Variants in CMAS observed in about 807,000 individuals in gnomAD.
CMAS encodes the protein cytidine monophosphate N-acetylneuraminic acid synthetase, also known as N-acylneuraminate cytidylyltransferase.
A neutral mutation model predicts 53.4 loss-of-function variants in CMAS; 21 were observed. The ratio of observed to expected loss-of-function variants is 0.39; its 90% CI spans 0.28 to 0.57. The LOEUF (loss-of-function observed/expected upper bound fraction) is 0.57. CMAS is among the 20% of genes least tolerant of loss of function. CMAS has a pLI of 0.56. For missense variants in CMAS, 384 were observed against 534.9 expected, an observed-to-expected ratio of 0.72 and a Z score of 2.78; for synonymous variants, 189 against 195.2, an observed-to-expected ratio of 0.97 and a Z score of 0.27.
At chr12:22,048,036 A>G (rs1285372185) in intron 1 of CMAS, among the ~76,000 whole-genome samples, 1 of 152,216 alleles carries the variant, frequency 6.6e-6, no homozygotes, top group African/African-American at 2.4e-5. Flanking sequence ...CTGGCATAAC[A>G]AAAGAGGGAA....
intron 4 of CMAS, 84 bp from the exon 5 acceptor site, chr12:22,060,743 ATGAAT>A: frequency 1.3e-6 from 1 of 753,724 alleles, no homozygotes; most frequent in Non-Finnish European, 2.4e-6. Context: ...TACTGTAGAA[ATGAAT>A]TCATTGTTCT....
chr12:22,055,562 T>G lies in CMAS; in HGVS notation c.511T>G (p.Ser171Ala), dbSNP rs1431488463. 1 of 1,612,586 alleles carries G rather than the reference T, an allele frequency of 6.2e-7. No homozygotes were observed. The highest frequency in any genetic ancestry group is 8.5e-7 in the Non-Finnish European group (1 of 1,179,696). Reference protein sequence around the residue: ...IREEGYDSVFSVVRRHQFRWS... With the variant: ...IREEGYDSVFAVVRRHQFRWS... The stretch of plus-strand genomic sequence containing the variant: ...AGAAGAAGGATATGATTCTGTTTTC[T>G]CTGTTGTGAGACGCCATCAGTTTCG... The change falls in exon 3 of 8, where the codon TCT becomes GCT. Residue 171 changes from serine (S) to alanine (A), a missense_variant. This residue lies in a region of CMAS where 139 missense variants were observed against 248.0 expected (regional missense o/e 0.56). Coordinates refer to ENST00000229329, the MANE Select transcript of CMAS (RefSeq NM_018686.6).
At chr12:22,064,212 A>C (rs920045578) in intron 7 of CMAS, among the ~76,000 whole-genome samples, 1 of 152,182 alleles carries the variant, frequency 6.6e-6, no homozygotes, top group Non-Finnish European at 1.5e-5. Context: ...GGTCTAAAGT[A>C]TAGTAATAGT....
Position 22,062,357 on chromosome 12 carries a change from G to C in CMAS, c.1037G>C (p.Ser346Thr). The C allele has an allele frequency of 6.2e-7, 1 of 1,613,052 alleles. No individual in the cohort carries two copies. The highest frequency in any genetic ancestry group is 8.5e-7 in the Non-Finnish European group (1 of 1,179,706). ...AAACTGGATTGCAAAATGGAAGTCA[G>C]TGTATCAGACAAGCTAGCAGTTGTA... ...SLKLDCKMEVSVSDKLAVVDE... is the reference protein window; with the variant it reads ...SLKLDCKMEVTVSDKLAVVDE... Residue 346 changes from serine (S) to threonine (T), a missense_variant, in exon 7 of 8, where the codon AGT (serine) becomes ACT (threonine). Ser to Thr is a moderately conservative substitution (Grantham distance 58, BLOSUM62 1). Coordinates refer to ENST00000229329, the MANE Select transcript of CMAS (RefSeq NM_018686.6).
At chr12:22,055,697 A>G (rs534806772) in intron 3 of CMAS, 87 bp downstream of exon 3, 1 of 1,091,644 alleles carries the variant, frequency 9.2e-7, no homozygotes, top group Admixed American at 2.2e-5. Context: ...TGAGGAGAGT[A>G]AAAGGGGAGC....
Position 22,054,522 on chromosome 12 carries a change from G to A in CMAS, c.261-627G>A, listed in dbSNP as rs144803620. Among the ~76,000 whole-genome samples, 11 of 151,762 alleles carry A rather than the reference G, an allele frequency of 7.2e-5. No individual in the cohort carries two copies. In the East Asian group the frequency reaches 1.9e-3, roughly 27 times the overall value. On this transcript the variant is annotated intron_variant, in intron 1 of 7. Transcript: ENST00000229329. ...TTGTTTGTTGTTTAAAAAAGAAAGA[G>A]TTGTTTCATCTGATTTTTTTTGAGC...
intron 3 of CMAS, among the ~76,000 whole-genome samples, chr12:22,057,913 C>T (rs964923011): frequency 3.3e-5 from 5 of 150,454 alleles, no homozygotes; most frequent in Admixed American, 1.3e-4. Context: ...CTGCAATCTC[C>T]CCCCCCCGGG....
intron 1 of CMAS, among the ~76,000 whole-genome samples, chr12:22,048,254 G>A (rs1231824404): frequency 6.6e-6 from 1 of 152,194 alleles, no homozygotes; most frequent in Admixed American, 6.5e-5. Context: ...GTTGTATCAC[G>A]TTATGATAAA....
intron 4 of CMAS, 23 bp downstream of exon 4, chr12:22,058,723 AC>A (rs762664028): frequency 6.2e-7 from 1 of 1,608,518 alleles, no homozygotes; most frequent in African/African-American, 1.3e-5. Flanking sequence ...ATTTTGCATA[AC>A]CCTTTTAAGC....
chr12:22,063,734 A>AAAC (rs1555141667), intron 7 of CMAS: 22 of 151,090 alleles, frequency 1.5e-4, no homozygotes, highest in African/African-American at 5.4e-4. Flanking sequence ...TTAAAAAAAA[A>AAAC]ACACACACAC....
intron 4 of CMAS, among the ~76,000 whole-genome samples, chr12:22,060,284 T>C (rs1328202976): frequency 7.5e-6 from 1 of 133,400 alleles, no homozygotes; most frequent in South Asian, 2.4e-4. Context: ...ACTGTTTAGA[T>C]AGAATTTGAA....
rs774836191 is a variant in CMAS, at chr12:22,062,427, A to G, written c.1107A>G (p.Ala369=). 5 of 1,612,624 alleles carry G rather than the reference A, an allele frequency of 3.1e-6. No individual in the cohort carries two copies. The South Asian group carries it at 4.4e-5, about 14-fold the overall frequency. Residue 369 remains alanine, a synonymous_variant, in exon 7 of 8, where the codon GCA becomes GCG. Coordinates refer to ENST00000229329, the MANE Select transcript of CMAS (RefSeq NM_018686.6). ...TGGGCCTGTGCTGGAAAGAAGTGGC[A>G]TATCTTGGTTGGTATCTTTTTATTC... is the stretch of plus-strand genomic sequence containing the variant. ...KEMGLCWKEV[A]YLGNEVSDEE...
At chr12:22,062,749 G>T (rs76803975) in intron 7 of CMAS, among the ~76,000 whole-genome samples, 1 of 152,092 alleles carries the variant, frequency 6.6e-6, no homozygotes, top group South Asian at 2.1e-4. Flanking sequence ...ACCTATTACC[G>T]TAGGGCTCTG....
At chr12:22,064,338 T>C (rs1197882779) in intron 7 of CMAS, among the ~76,000 whole-genome samples, 5 of 152,136 alleles carry the variant, frequency 3.3e-5, no homozygotes, top group African/African-American at 1.2e-4. Context: ...TGATTTAGTA[T>C]CTATTTTTAT....
At position 22,060,333 on chromosome 12, in the gene CMAS, T is replaced by TAA. The variant is rs58755366; in HGVS notation, c.694-473_694-472dup. Among the ~76,000 whole-genome samples the TAA allele has an allele frequency of 1.7e-4, 9 of 54,136 alleles. 1 individual carries two copies. The highest frequency in any genetic ancestry group is 4.3e-4 in the African/African-American group (7 of 16,198). The allele number at this position is 54,136 out of a possible 152,430, so 35.5% of individuals were successfully genotyped here. ...ATTTCTTTTGTGTGAGCTTTCTCCT[T>TAA]AAAAAAAAAAAAAAAAAAAAAAAAA... On this transcript the variant is annotated intron_variant, in intron 4 of 7. Transcript: ENST00000229329.
chr12:22,049,115 G>A (rs1950224236), intron 1 of CMAS, among the ~76,000 whole-genome samples: 1 of 152,162 alleles, frequency 6.6e-6, no homozygotes, highest in African/African-American at 2.4e-5. Flanking sequence ...AAGTCAGAAG[G>A]AGTGCTCTCC....
chr12:22,059,705 T>C (rs1950295327), intron 4 of CMAS, among the ~76,000 whole-genome samples: 1 of 152,178 alleles, frequency 6.6e-6, no homozygotes, highest in South Asian at 2.1e-4. Flanking sequence ...AATTTAAGTG[T>C]TCAGAAAAAT....
chr12:22,062,514 C>T, intron 7 of CMAS, 80 bp downstream of exon 7: 1 of 1,399,598 alleles, frequency 7.1e-7, no homozygotes, highest in Middle Eastern at 1.8e-4. Context: ...TGACAAAGCA[C>T]ATCCTCCAAA....
chr12:22,046,396 T>C lies in CMAS; in HGVS notation c.93T>C (p.Ser31=), dbSNP rs746134195. 1.3e-6 allele frequency: 2 copies of C among 1,585,026 alleles called. No homozygotes were observed. Among genetic ancestry groups the C allele is most frequent in the South Asian group, 2.3e-5 (2 of 86,374 alleles). The change falls in exon 1 of 8, where the codon TCT becomes TCC. Residue 31 remains serine (S), a synonymous_variant. Coordinates refer to ENST00000229329, the MANE Select transcript of CMAS (RefSeq NM_018686.6). The part of the protein sequence containing the change: ...RGRPPKLQRN[S]RGGQGRGVEK... Reference sequence around the variant, plus strand: ...GGCCGCCGAAGCTGCAGCGCAACTCTCGCGGCGGCCAGGGCCGAGGTGTGG... The same window carrying C: ...GGCCGCCGAAGCTGCAGCGCAACTCCCGCGGCGGCCAGGGCCGAGGTGTGG...
Sources: allele counts gnomAD v4.1 joint callset (sites outside exome capture counted in the v4.1 genomes callset), GRCh38; gene constraint gnomAD v4.1.1; regional missense constraint gnomAD v4.1.1; transcripts MANE v1.5; gene names NCBI Gene and HGNC (gene_info 2026-07-23, HGNC 2026-07-21).